The following ZNF12 variants were observed in gnomAD, a reference collection of about 807,000 sequenced individuals.
ZNF12 encodes the protein gonadotropin inducible transcription repressor 3.
A neutral mutation model predicts 66.6 loss-of-function variants in ZNF12; 34 were observed. That is an observed-to-expected ratio of 0.51 (90% CI 0.39 to 0.68). ZNF12 has a LOEUF of 0.68. Ranked by LOEUF, ZNF12 falls within the 30% of genes least tolerant of loss-of-function variation. The pLI, the probability that ZNF12 is intolerant of heterozygous loss-of-function variation, is 0.00. For missense variants in ZNF12, 697 were observed against 826.9 expected (o/e 0.84, Z 1.93); for synonymous variants, 320 against 278.9 (o/e 1.15, Z -1.47).
In ZNF12 at chr7:6,703,926, T is replaced by G. The variant is rs181010095; in HGVS notation, c.15+1233A>C. ...ACCTTTTCCAACAAGGTCAGGGGAG[T>G]GGTAGGGACAGGACCAAGACCACAG... On this transcript the variant is annotated intron_variant, in intron 2 of 4. Coordinates refer to ENST00000405858, the MANE Select transcript of ZNF12 (RefSeq NM_016265.4). 2.6e-4 allele frequency among the ~76,000 whole-genome samples: 40 copies of G among 151,772 alleles called. No individual in the cohort carries two copies. The East Asian group carries it at 7.0e-3, about 26-fold the overall frequency.
intron 2 of ZNF12, among the ~76,000 whole-genome samples, chr7:6,703,844 A>G (rs533706425): frequency 6.6e-6 from 1 of 152,376 alleles, no homozygotes; most frequent in African/African-American, 2.4e-5. Flanking sequence ...CAAACTGCAG[A>G]GTGGGCCAAG....
rs1388509452 is a variant in ZNF12, at chr7:6,691,390, C to T, written c.1552G>A (p.Val518Ile). 1.9e-6 allele frequency: 3 copies of T among 1,613,910 alleles called. No individual in the cohort carries two copies. The highest frequency in any genetic ancestry group is 2.5e-6 in the Non-Finnish European group (3 of 1,179,924). Residue 518 changes from valine to isoleucine, a missense_variant, in exon 5 of 5, where the codon GTA becomes ATA. Physicochemically the swap from Val to Ile is conservative, Grantham distance 29. Transcript: ENST00000405858. ...LTIHHRTHSG[V>I]KPYECSECGK... ...CATTCACTACATTCATAGGGTTTTA[C>T]TCCTGAATGAGTTCTATGATGGATA... is the stretch of plus-strand genomic sequence containing the variant.
chr7:6,693,755 A>G (rs1780111634), intron 4 of ZNF12, among the ~76,000 whole-genome samples: 1 of 152,228 alleles, frequency 6.6e-6, no homozygotes, highest in Non-Finnish European at 1.5e-5. Context: ...TATTCTTCCC[A>G]TCTTTCAATC....
At position 6,698,695 on chromosome 7, in the gene ZNF12, A is replaced by C. The variant is rs958268970; in HGVS notation, c.16-884T>G. 6.6e-6 allele frequency among the ~76,000 whole-genome samples: 1 copy of C among 152,154 alleles called. No individual in the cohort carries two copies. Among genetic ancestry groups the C allele is most frequent in the Non-Finnish European group, 1.5e-5 (1 of 68,026 alleles). ...TCCTAATTCCCAGCTGGGAACCCCA[A>C]ATTTCCTTTCTTCCCATGGTACACG... On this transcript the variant is annotated intron_variant, in intron 2 of 4. Coordinates refer to ENST00000405858, the MANE Select transcript of ZNF12 (RefSeq NM_016265.4). This position sits in a 1 kb window ranked among gnomAD's most constrained non-coding sequence, Gnocchi z 4.4.
At position 6,705,129 on chromosome 7, in the gene ZNF12, G is replaced by C. The variant is rs1430567389; in HGVS notation, c.15+30C>G. ...CTAAGGTGTATTGTAAATCAGAGTAGAGAATAAATACATGAACAGAAACAC... is the reference window on the plus strand; with the variant it reads ...CTAAGGTGTATTGTAAATCAGAGTACAGAATAAATACATGAACAGAAACAC... On this transcript the variant is annotated intron_variant, in intron 2 of 4. Coordinates refer to ENST00000405858, the MANE Select transcript of ZNF12 (RefSeq NM_016265.4). The surrounding 1 kb of genome is among the most constrained non-coding windows in gnomAD (Gnocchi z 4.0). 34 of 1,611,660 alleles carry C rather than the reference G, an allele frequency of 2.1e-5. No individual in the cohort carries two copies. Among genetic ancestry groups the C allele is most frequent in the Non-Finnish European group, 2.6e-5 (31 of 1,178,692 alleles).
rs1214599382 is a variant in ZNF12 at position 6,698,220 on chromosome 7, T to C, written c.16-409A>G. Among the ~76,000 whole-genome samples the C allele has an allele frequency of 6.6e-6, 1 of 152,130 alleles. No individual in the cohort carries two copies. The highest frequency in any genetic ancestry group is 1.5e-5 in the Non-Finnish European group (1 of 68,032). On this transcript the variant is annotated intron_variant, in intron 2 of 4. Coordinates refer to ENST00000405858, the MANE Select transcript of ZNF12 (RefSeq NM_016265.4). This position sits in a 1 kb window ranked among gnomAD's most constrained non-coding sequence, Gnocchi z 4.4. ...GTTCTCTTCTTACCTCCCTGGTCAC[T>C]CCTTCTCAGTCCCTTTGCTGGCTCC...
At chr7:6,701,289 G>T (rs1402037848) in intron 2 of ZNF12, among the ~76,000 whole-genome samples, 1 of 152,122 alleles carries the variant, frequency 6.6e-6, no homozygotes, top group Non-Finnish European at 1.5e-5. Flanking sequence ...AGAAAGAAGT[G>T]CCTCTTAAAA....
chr7:6,705,300 A>C lies in ZNF12; in HGVS notation c.-50-77T>G. On this transcript the variant is annotated intron_variant, in intron 1 of 4. Transcript: ENST00000405858. This position sits in a 1 kb window ranked among gnomAD's most constrained non-coding sequence, Gnocchi z 4.0. ...GGCGGTCATCTCCCGCCCAAAACCT[A>C]CACAGAAAGTTCCAAGAAGTACATC... is the stretch of plus-strand genomic sequence containing the variant. 1 of 1,089,460 alleles carries C rather than the reference A, an allele frequency of 9.2e-7. No individual in the cohort carries two copies. Among genetic ancestry groups the C allele is most frequent in the Non-Finnish European group, 1.4e-6 (1 of 738,894 alleles). The allele number at this position is 1,089,460 out of a possible 1,614,324, so 67.5% of individuals were successfully genotyped here.
chr7:6,699,901 T>A (rs1780207614), intron 2 of ZNF12, among the ~76,000 whole-genome samples: 1 of 152,168 alleles, frequency 6.6e-6, no homozygotes, highest in South Asian at 2.1e-4. Context: ...TATCTATGAC[T>A]ACAATAAGTG....
At chr7:6,700,995 C>G (rs1361088274) in intron 2 of ZNF12, 1 of 152,076 alleles carries the variant, frequency 6.6e-6, no homozygotes, top group Non-Finnish European at 1.5e-5. Flanking sequence ...TTCATTCATT[C>G]GAGACAGGAT....
At chr7:6,694,642 T>C (rs1407265388) in intron 4 of ZNF12, among the ~76,000 whole-genome samples, 1 of 152,200 alleles carries the variant, frequency 6.6e-6, no homozygotes, top group Non-Finnish European at 1.5e-5. Context: ...CTACGATCAC[T>C]GTGTGCCTGA....
rs753006217 is a variant in ZNF12, at chr7:6,692,460, G to A, written c.482C>T (p.Ala161Val). 6.2e-6 allele frequency: 10 copies of A among 1,612,760 alleles called. No individual in the cohort carries two copies. The Admixed American group carries it at 1.2e-4, about 19-fold the overall frequency. ...ACTACATTCATCAGCTTTCATTCTT[G>A]CATAGCTTCCATCACTACTAATATA... Reference protein sequence around the residue: ...SEYISSDGSYARMKADECSGC... With the variant: ...SEYISSDGSYVRMKADECSGC... Residue 161 changes from alanine (A) to valine (V), a missense_variant, in exon 5 of 5, where the codon GCA becomes GTA. Ala to Val is a moderately conservative substitution (Grantham distance 64). Around this residue, in one of 3 missense-constraint regions of ZNF12, gnomAD observed 241 missense variants for 224.0 expected, o/e 1.08. Transcript: ENST00000405858. The surrounding 1 kb of genome is among the most constrained non-coding windows in gnomAD (Gnocchi z 5.1).
At chr7:6,702,303 AACAC>A (rs35642461) in intron 2 of ZNF12, among the ~76,000 whole-genome samples, 25 of 122,914 alleles carry the variant, frequency 2.0e-4, no homozygotes, top group Non-Finnish European at 4.1e-4. Flanking sequence ...AAACTCCACA[AACAC>A]ACACACACAC....
In ZNF12 at chr7:6,688,539, T is replaced by C. The variant is rs1263314040; in HGVS notation, c.*2309A>G. Reference sequence around the variant, plus strand: ...AGGTATCATTTCCACAAATATGCTATGAATATAGAGTTCCTACACAAAACT... The same window carrying C: ...AGGTATCATTTCCACAAATATGCTACGAATATAGAGTTCCTACACAAAACT... On this transcript the variant is annotated 3_prime_UTR_variant, in exon 5 of 5. Transcript: ENST00000405858. This position sits in a 1 kb window ranked among gnomAD's most constrained non-coding sequence, Gnocchi z 4.3. The C allele has an allele frequency of 2.0e-5, 3 of 152,210 alleles. No homozygotes were observed. The highest frequency in any genetic ancestry group is 4.8e-5 in the African/African-American group (2 of 41,454). The allele number at this position is 152,210 out of a possible 1,614,324, so 9.4% of individuals were successfully genotyped here. A position where few individuals can be genotyped will look rare whatever the true frequency, so the allele number is the denominator to read the frequency against.
At chr7:6,694,865 C>T (rs1367982277) in intron 4 of ZNF12, among the ~76,000 whole-genome samples, 1 of 152,186 alleles carries the variant, frequency 6.6e-6, no homozygotes, top group African/African-American at 2.4e-5. Flanking sequence ...GTGACTCAGC[C>T]TTGCATTGGA....
intron 2 of ZNF12, among the ~76,000 whole-genome samples, chr7:6,704,644 G>A (rs920637652): frequency 2.1e-5 from 3 of 143,864 alleles, no homozygotes; most frequent in Non-Finnish European, 3.0e-5. Context: ...AGAGGCTGAG[G>A]CAGGAGAATC....
Position 6,705,719 on chromosome 7 carries a change from A to AAAACAAAC in ZNF12, c.-50-504_-50-497dup, listed in dbSNP as rs886643608. Among the ~76,000 whole-genome samples the AAAACAAAC allele has an allele frequency of 1.3e-5, 2 of 152,134 alleles. No individual in the cohort carries two copies. The highest frequency in any genetic ancestry group is 2.9e-5 in the Non-Finnish European group (2 of 68,002). ...GGGCAACAAAGCGAAACTTGTCTCA[A>AAAACAAAC]AAACAAACAAACAAACAAACAAAAA... On this transcript the variant is annotated intron_variant, in intron 1 of 4. Transcript: ENST00000405858. This position sits in a 1 kb window ranked among gnomAD's most constrained non-coding sequence, Gnocchi z 4.0.
rs772632560 is a variant in ZNF12, at chr7:6,690,948, T to C, written c.1994A>G (p.Glu665Gly). 8 of 1,614,176 alleles carry C rather than the reference T, an allele frequency of 5.0e-6. No homozygotes were observed. The South Asian group carries it at 8.8e-5, about 18-fold the overall frequency. Residue 665 changes from glutamate (E) to glycine (G), a missense_variant, in exon 5 of 5, where the codon GAA (glutamate) becomes GGA (glycine). Glu to Gly is a moderately conservative substitution (Grantham distance 98). Transcript: ENST00000405858. ...TTTGTGGTAGAATTTTTTTCCACAT[T>C]CAGTACACTCATAGGGTTTCTCTCC... ...HSGEKPYECT[E>G]CGKKFYHKSA...
intron 2 of ZNF12, among the ~76,000 whole-genome samples, chr7:6,701,129 C>A (rs559304238): frequency 3.3e-5 from 5 of 152,126 alleles, no homozygotes; most frequent in Admixed American, 2.0e-4. Context: ...TGGTGTGAGC[C>A]ACTATGCCCG....
Sources: gnomAD v4.1 joint callset for allele counts (sites outside exome capture counted in the v4.1 genomes callset) on GRCh38, gnomAD v4.1.1 for gene constraint, gnomAD v4.1.1 regional missense constraint, Gnocchi (gnomAD v3.1) non-coding constraint, MANE v1.5 for transcripts, NCBI Gene and HGNC (gene_info 2026-07-23, HGNC 2026-07-21) for gene names.